Variants in MEIS1 observed in about 807,000 individuals in gnomAD.
The protein encoded by MEIS1 is homeobox protein Meis1.
A neutral mutation model predicts 50.8 loss-of-function variants in MEIS1; 5 were observed. The observed-to-expected ratio is 0.10, with a 90% CI of 0.05 to 0.21. MEIS1 has a LOEUF of 0.21. MEIS1 is among the 10% of genes least tolerant of loss of function. The pLI, the probability that MEIS1 is intolerant of heterozygous loss-of-function variation, is 1.00. For missense variants in MEIS1, 318 were observed against 517.3 expected (o/e 0.61, Z 3.74); for synonymous variants, 176 against 179.3 (o/e 0.98, Z 0.15).
chr2:66,440,327 G>C (rs1290375336), intron 3 of MEIS1: 9 of 601,668 alleles, frequency 1.5e-5, no homozygotes, highest in Non-Finnish European at 2.6e-5. Context: ...CTCCCCGAGA[G>C]CCGTAGTTGC....
chr2:66,443,359 C>T (rs1183097398), intron 6 of MEIS1: 4 of 281,014 alleles, frequency 1.4e-5, no homozygotes, highest in Non-Finnish European at 2.6e-5. Flanking sequence ...TGCCAGTGAC[C>T]GCCTCTGATT....
At chr2:66,570,987 T>C (rs1277109557) in intron 12 of MEIS1, 9 of 411,198 alleles carry the variant, frequency 2.2e-5, no homozygotes, top group Non-Finnish European at 3.9e-5. Flanking sequence ...ATAACAATTT[T>C]ATTCTTTTTA....
chr2:66,511,654 C>T (rs1024805109), intron 7 of MEIS1, among the ~76,000 whole-genome samples: 2 of 152,162 alleles, frequency 1.3e-5, no homozygotes, highest in Non-Finnish European at 2.9e-5. Context: ...TGATGGATTA[C>T]CTACATTTCC....
At chr2:66,523,308 C>A (rs1674172585) in intron 8 of MEIS1, among the ~76,000 whole-genome samples, 2 of 152,156 alleles carry the variant, frequency 1.3e-5, no homozygotes, top group Non-Finnish European at 2.9e-5. Context: ...GTGTCTATGA[C>A]CCATTTAAGT....
chr2:66,453,607 A>G (rs1242296270), intron 6 of MEIS1, among the ~76,000 whole-genome samples: 2 of 152,048 alleles, frequency 1.3e-5, no homozygotes, highest in Non-Finnish European at 2.9e-5. Flanking sequence ...GGGCTTAAAG[A>G]TGCAGACATT....
intron 7 of MEIS1, among the ~76,000 whole-genome samples, chr2:66,474,426 T>A (rs777230948): frequency 6.6e-6 from 1 of 152,174 alleles, no homozygotes; most frequent in Non-Finnish European, 1.5e-5. Context: ...CTACCTGCCC[T>A]GGGCTGTGAT....
intron 7 of MEIS1, among the ~76,000 whole-genome samples, chr2:66,507,325 A>G (rs1443131584): frequency 6.6e-6 from 1 of 152,200 alleles, no homozygotes; most frequent in African/African-American, 2.4e-5. Context: ...AAGAGAGGAT[A>G]TGGCCCAAAA....
intron 8 of MEIS1, among the ~76,000 whole-genome samples, chr2:66,534,644 C>G (rs1380090303): frequency 6.6e-6 from 1 of 152,128 alleles, no homozygotes; most frequent in Admixed American, 6.5e-5. Flanking sequence ...CTGGGCTAAA[C>G]GGGCTTATGA....
rs1427822028 is a variant in MEIS1, at chr2:66,495,078, ACCTTTTT to A, written c.743-17070_743-17064del. Among the ~76,000 whole-genome samples the A allele has an allele frequency of 1.8e-3, 156 of 85,078 alleles. 17 individuals carry two copies. Among genetic ancestry groups the A allele is most frequent in the Non-Finnish European group, 2.5e-4 (10 of 40,288 alleles). The allele number at this position is 85,078 out of a possible 152,430, so 55.8% of individuals were successfully genotyped here. A position where few individuals can be genotyped will look rare whatever the true frequency, so the allele number is the denominator to read the frequency against. ...CAGAATGCCCACTTTCCCTCTTCTG[ACCTTTTT>A]TTTTTTTTTTTTTTTTTTTTTTTAA... On this transcript the variant is annotated intron_variant, in intron 7 of 12. Coordinates refer to ENST00000272369, the MANE Select transcript of MEIS1 (RefSeq NM_002398.3).
intron 7 of MEIS1, among the ~76,000 whole-genome samples, chr2:66,474,255 G>C (rs1672837247): frequency 6.6e-6 from 1 of 152,152 alleles, no homozygotes; most frequent in Non-Finnish European, 1.5e-5. Context: ...GCATCTAACA[G>C]AAGATGGGTG....
At chr2:66,461,238 T>A (rs563104433) in intron 6 of MEIS1, among the ~76,000 whole-genome samples, 2 of 152,294 alleles carry the variant, frequency 1.3e-5, no homozygotes, top group South Asian at 4.1e-4. Context: ...TGTTGTTTGG[T>A]GTAACCGCAT....
Position 66,568,582 on chromosome 2 carries a change from G to A in MEIS1, c.1025-85G>A, listed in dbSNP as rs1675407800. ...CTGCTATGTTCTGTCTCTTTCTCTG[G>A]TATGTTCTCCTCTTAGTCTCTCTTG... On this transcript the variant is annotated intron_variant, in intron 10 of 12. Coordinates refer to ENST00000272369, the MANE Select transcript of MEIS1 (RefSeq NM_002398.3). 18 of 1,020,342 alleles carry A rather than the reference G, an allele frequency of 1.8e-5. 1 individual carries two copies. In the South Asian group the frequency reaches 2.3e-4, roughly 13 times the overall value. 63.2% of individuals were successfully genotyped at this position (1,020,342 alleles called of 1,614,324 possible).
chr2:66,445,441 G>C (rs527542606), intron 6 of MEIS1: 1 of 152,394 alleles, frequency 6.6e-6, no homozygotes, highest in Non-Finnish European at 1.5e-5. Flanking sequence ...CCGGTCTGGA[G>C]CCTGCTGGCC....
chr2:66,480,540 A>G (rs977296190), intron 7 of MEIS1, among the ~76,000 whole-genome samples: 1 of 152,222 alleles, frequency 6.6e-6, no homozygotes, highest in African/African-American at 2.4e-5. Context: ...AGAATTATTT[A>G]ATAATGCAGA....
At chr2:66,530,136 G>A (rs1674353487) in intron 8 of MEIS1, among the ~76,000 whole-genome samples, 1 of 151,466 alleles carries the variant, frequency 6.6e-6, no homozygotes, top group Admixed American at 6.6e-5. Context: ...GTGGGATTAG[G>A]AGCTGGAGGA....
intron 6 of MEIS1, among the ~76,000 whole-genome samples, chr2:66,458,610 C>T (rs1672449205): frequency 6.6e-6 from 1 of 152,160 alleles, no homozygotes; most frequent in Admixed American, 6.5e-5. Flanking sequence ...TTTTTATCCT[C>T]ATTTACAGAT....
intron 9 of MEIS1, among the ~76,000 whole-genome samples, chr2:66,562,672 C>T (rs1572906935): frequency 6.6e-6 from 1 of 151,930 alleles, no homozygotes; most frequent in African/African-American, 2.4e-5. Flanking sequence ...TCTATTTGGA[C>T]ATGAAAAAAA....
At chr2:66,438,765 T>C (rs1671866426) in intron 2 of MEIS1, among the ~76,000 whole-genome samples, 1 of 152,152 alleles carries the variant, frequency 6.6e-6, no homozygotes, top group Admixed American at 6.5e-5. Flanking sequence ...TCTTTTTACT[T>C]TGCAGAAACT....
chr2:66,515,143 A>G (rs150893855), intron 8 of MEIS1, among the ~76,000 whole-genome samples: 1 of 152,290 alleles, frequency 6.6e-6, no homozygotes, highest in African/African-American at 2.4e-5. Context: ...AATTCTTGCT[A>G]GATGTAAAAA....
Sources: gnomAD v4.1 joint callset for allele counts (sites outside exome capture counted in the v4.1 genomes callset) on GRCh38, gnomAD v4.1.1 for gene constraint, MANE v1.5 for transcripts, NCBI Gene and HGNC (gene_info 2026-07-23, HGNC 2026-07-21) for gene names.